The following ACSL1 variants were observed in gnomAD, a reference collection of about 807,000 sequenced individuals.
ACSL1 encodes the protein acyl-CoA synthetase long chain family member 1, also known as long-chain-fatty-acid--CoA ligase 1.
A neutral mutation model predicts 98.4 loss-of-function variants in ACSL1; 41 were observed. The ratio of observed to expected loss-of-function variants is 0.42; its 90% CI spans 0.32 to 0.54. The LOEUF (loss-of-function observed/expected upper bound fraction) is 0.54, where lower values mean the gene tolerates loss of function less well. ACSL1 is among the 20% of genes least tolerant of loss of function. ACSL1 has a pLI of 0.13. For missense variants in ACSL1, 734 were observed against 883.1 expected, an observed-to-expected ratio of 0.83 and a Z score of 2.14; for synonymous variants, 316 against 322.7, an observed-to-expected ratio of 0.98 and a Z score of 0.22.
At position 184,825,575 on chromosome 4, in the gene ACSL1, G is replaced by A. The variant is rs564895946; in HGVS notation, c.-33+341C>T. ...CCTCCCAGCCGAAGCGCGGCCTCCGGCTGCTTCGCCGGGCCGGTCCCCGCC... is the reference window on the plus strand; with the variant it reads ...CCTCCCAGCCGAAGCGCGGCCTCCGACTGCTTCGCCGGGCCGGTCCCCGCC... On this transcript the variant is annotated intron_variant, in intron 1 of 20. Coordinates refer to ENST00000281455, the MANE Select transcript of ACSL1 (RefSeq NM_001995.5). The surrounding 1 kb of genome is among the most constrained non-coding windows in gnomAD (Gnocchi z 4.7). Among the ~76,000 whole-genome samples, 1,171 of 151,520 alleles carry A rather than the reference G, an allele frequency of 7.7e-3. 11 individuals carry two copies. The highest frequency in any genetic ancestry group is 0.021 in the Middle Eastern group (6 of 292).
chr4:184,768,291 T>C, intron 12 of ACSL1, 25 bp downstream of exon 12: 4 of 1,606,196 alleles, frequency 2.5e-6, no homozygotes, highest in South Asian at 1.1e-5. Flanking sequence ...TGCTCAGTCC[T>C]GGGACTTCGC....
At chr4:184,826,092 C>CCCGCCCTCCCGCGGCT (rs1237978230), upstream of ACSL1, 1 of 146,902 alleles carries the variant, frequency 6.8e-6, no homozygotes, top group African/African-American at 2.5e-5. Context: ...CCGCGCCGGC[C>CCCGCCCTCCCGCGGCT]CCGCCCTCCC....
At chr4:184,758,372 T>A (rs888401868) in intron 18 of ACSL1, 1 of 161,086 alleles carries the variant, frequency 6.2e-6, no homozygotes, top group African/African-American at 2.4e-5. Flanking sequence ...CTGGGCAATA[T>A]AGTGAGACTC....
intron 15 of ACSL1, among the ~76,000 whole-genome samples, chr4:184,763,688 C>G (rs991871057): frequency 2.0e-5 from 3 of 152,198 alleles, no homozygotes; most frequent in Non-Finnish European, 4.4e-5. Flanking sequence ...CCACCTGGTT[C>G]TGATCAACAC....
chr4:184,811,325 G>A (rs910646932), intron 1 of ACSL1, among the ~76,000 whole-genome samples: 3 of 151,948 alleles, frequency 2.0e-5, no homozygotes, highest in Non-Finnish European at 2.9e-5. Flanking sequence ...TGTTGGCCAG[G>A]ATGGTCTCGA....
At chr4:184,808,451 T>C (rs1340141471) in intron 1 of ACSL1, 1 of 985,298 alleles carries the variant, frequency 1.0e-6, no homozygotes, top group Non-Finnish European at 1.2e-6. Context: ...CCCACATAAA[T>C]GACACCCTTG....
chr4:184,773,058 A>T lies in ACSL1; in HGVS notation c.915+23T>A. 6.2e-7 allele frequency: 1 copy of T among 1,606,792 alleles called. No homozygotes were observed. Among genetic ancestry groups the T allele is most frequent in the Non-Finnish European group, 8.5e-7 (1 of 1,173,448 alleles). On this transcript the variant is annotated intron_variant, in intron 10 of 20. Transcript: ENST00000281455. The surrounding 1 kb of genome is among the most constrained non-coding windows in gnomAD (Gnocchi z 4.3). ...GACTAATGTCAATCAATGAGGAAAGATGACGACATCCCAAAAAGTTACCTC... is the reference window on the plus strand; with the variant it reads ...GACTAATGTCAATCAATGAGGAAAGTTGACGACATCCCAAAAAGTTACCTC...
intron 3 of ACSL1, among the ~76,000 whole-genome samples, chr4:184,787,590 A>G (rs948493519): frequency 3.0e-4 from 46 of 152,200 alleles, no homozygotes; most frequent in African/African-American, 9.9e-4. Flanking sequence ...ATGGCCGGGC[A>G]TGGTGACTCG....
intron 3 of ACSL1, 35 bp downstream of exon 3, chr4:184,788,582 G>A (rs369667192): frequency 2.9e-5 from 45 of 1,525,644 alleles, no homozygotes; most frequent in South Asian, 2.2e-4. Flanking sequence ...GAAACACGGC[G>A]AGCGGGAGCC....
At chr4:184,800,804 T>A (rs1193702088) in intron 2 of ACSL1, among the ~76,000 whole-genome samples, 1 of 152,196 alleles carries the variant, frequency 6.6e-6, no homozygotes, top group Non-Finnish European at 1.5e-5. Context: ...CTAATTTAGG[T>A]CTTCATTAGA....
chr4:184,807,553 A>G (rs1337105058), intron 1 of ACSL1, among the ~76,000 whole-genome samples: 3 of 152,238 alleles, frequency 2.0e-5, no homozygotes, highest in Non-Finnish European at 2.9e-5. Context: ...GCACAAGCCC[A>G]GTGTAAAGAT....
chr4:184,804,676 T>G (rs78672088), intron 1 of ACSL1, among the ~76,000 whole-genome samples: 293 of 152,204 alleles, frequency 1.9e-3, no homozygotes, highest in African/African-American at 6.7e-3. Context: ...TGACCTCCCT[T>G]CCCTGTGCCT....
At chr4:184,820,727 C>G (rs1360418154) in intron 1 of ACSL1, among the ~76,000 whole-genome samples, 1 of 152,324 alleles carries the variant, frequency 6.6e-6, no homozygotes, top group East Asian at 1.9e-4. Context: ...GCCTCAACCT[C>G]CCGAGCAGCT....
intron 3 of ACSL1, among the ~76,000 whole-genome samples, chr4:184,786,692 CTTTTTT>C (rs34391801): frequency 1.6e-5 from 2 of 123,834 alleles, no homozygotes; most frequent in African/African-American, 5.9e-5. Context: ...TAGGCACTTT[CTTTTTT>C]TTTTTTTTTT....
intron 1 of ACSL1, among the ~76,000 whole-genome samples, chr4:184,820,815 GGGTGATCCACCCGCCTC>G (rs1773012094): frequency 6.6e-6 from 1 of 151,588 alleles, no homozygotes; most frequent in Admixed American, 6.6e-5. Flanking sequence ...ATATTGGTCA[GGGTGATCCACCCGCCTC>G]GGCCTCCCAA....
intron 10 of ACSL1, among the ~76,000 whole-genome samples, chr4:184,771,734 GAT>G: frequency 6.6e-6 from 1 of 152,204 alleles, no homozygotes; most frequent in Non-Finnish European, 1.5e-5. Context: ...CCTAGGGGAT[GAT>G]ATACCAAGTT....
intron 11 of ACSL1, among the ~76,000 whole-genome samples, chr4:184,769,579 C>T (rs1764184735): frequency 1.3e-5 from 2 of 152,186 alleles, no homozygotes; most frequent in South Asian, 4.1e-4. Context: ...CCAGAAGACT[C>T]TGAGGTGTGC....
intron 1 of ACSL1, chr4:184,821,046 A>C (rs1773030609): frequency 2.2e-6 from 1 of 456,194 alleles, no homozygotes; most frequent in East Asian, 6.9e-5. Context: ...GTGTACAGTA[A>C]GGATAGCAGC....
At chr4:184,783,812 T>TCTTC in intron 4 of ACSL1, 115 bp downstream of exon 4, 1 of 959,306 alleles carries the variant, frequency 1.0e-6, no homozygotes, top group Non-Finnish European at 1.6e-6. Flanking sequence ...ACGGCAAGGC[T>TCTTC]CTGAGCTGGT....
Sources: allele counts gnomAD v4.1 joint callset (sites outside exome capture counted in the v4.1 genomes callset), GRCh38; gene constraint gnomAD v4.1.1; non-coding constraint Gnocchi (gnomAD v3.1); transcripts MANE v1.5; gene names NCBI Gene and HGNC (gene_info 2026-07-23, HGNC 2026-07-21).